CFAP299: variants seen among roughly 807,000 people sequenced by gnomAD.
CFAP299 encodes the protein cilia- and flagella-associated protein 299.
CFAP299 carries 21 observed loss-of-function variants against 27.0 expected under a neutral mutation model. The ratio of observed to expected loss-of-function variants is 0.78; its 90% CI spans 0.55 to 1.12. The LOEUF is 1.12. CFAP299 is among the 50% of genes most tolerant of loss of function. The pLI is 0.00. For missense variants in CFAP299, 310 were observed against 276.6 expected, an observed-to-expected ratio of 1.12 and a Z score of -0.86; for synonymous variants, 104 against 98.1, an observed-to-expected ratio of 1.06 and a Z score of -0.36.
chr4:80,723,604 TAGAG>T (rs1373569115), intron 3 of CFAP299, among the ~76,000 whole-genome samples: 9 of 152,232 alleles, frequency 5.9e-5, no homozygotes, highest in Admixed American at 2.6e-4. Flanking sequence ...ATACATTACA[TAGAG>T]AGAAATGGGA....
chr4:80,667,226 T>C (rs1003591717), intron 3 of CFAP299, among the ~76,000 whole-genome samples: 1 of 152,198 alleles, frequency 6.6e-6, no homozygotes, highest in Non-Finnish European at 1.5e-5. Flanking sequence ...TACAAAGATG[T>C]ACATATTCTC....
chr4:80,740,634 C>A (rs542356806), intron 3 of CFAP299, among the ~76,000 whole-genome samples: 1 of 152,112 alleles, frequency 6.6e-6, no homozygotes, highest in Non-Finnish European at 1.5e-5. Context: ...TCCCACAGGC[C>A]CTGGACATGT....
At chr4:80,714,110 T>G (rs2110039345) in intron 3 of CFAP299, among the ~76,000 whole-genome samples, 1 of 152,246 alleles carries the variant, frequency 6.6e-6, no homozygotes, top group East Asian at 1.9e-4. Flanking sequence ...TTTAATGCTG[T>G]CTCGCTCCTT....
chr4:80,409,359 C>A (rs951551519), intron 2 of CFAP299, among the ~76,000 whole-genome samples: 2 of 151,974 alleles, frequency 1.3e-5, no homozygotes, highest in African/African-American at 4.8e-5. Flanking sequence ...TTATAAAGTA[C>A]AAATTAAAAT....
intron 2 of CFAP299, among the ~76,000 whole-genome samples, chr4:80,402,286 T>G (rs1045138884): frequency 1.3e-5 from 2 of 152,138 alleles, no homozygotes; most frequent in Non-Finnish European, 2.9e-5. Context: ...AATTATATGA[T>G]TTGGCTGTGT....
Position 80,391,061 on chromosome 4 carries a change from A to G in CFAP299, c.242+28177A>G, listed in dbSNP as rs548483097. Among the ~76,000 whole-genome samples, 19 of 151,838 alleles carry G rather than the reference A, an allele frequency of 1.3e-4. 1 individual carries two copies. The South Asian group carries it at 3.9e-3, about 32-fold the overall frequency. On this transcript the variant is annotated intron_variant, in intron 2 of 5. Coordinates refer to ENST00000358105, the MANE Select transcript of CFAP299 (RefSeq NM_152770.3). ...CACACACACATATATACACACATAT[A>G]TATACATATACACATATATACACTC...
At chr4:80,542,771 T>C (rs1274202775) in intron 2 of CFAP299, among the ~76,000 whole-genome samples, 2 of 151,904 alleles carry the variant, frequency 1.3e-5, no homozygotes, top group Non-Finnish European at 2.9e-5. Flanking sequence ...GCCACTACCA[T>C]ACCACTGGAG....
the CFAP299 span, among the ~76,000 whole-genome samples, chr4:80,324,948 C>G: frequency 1.3e-5 from 2 of 152,144 alleles, no homozygotes; most frequent in Admixed American, 1.3e-4. Context: ...CATGGCAAAA[C>G]CCTGTCTCTA....
intron 4 of CFAP299, among the ~76,000 whole-genome samples, chr4:80,888,512 C>T (rs542602220): frequency 6.6e-5 from 10 of 151,994 alleles, no homozygotes; most frequent in Non-Finnish European, 1.5e-4. Context: ...GATCCCAATA[C>T]AATAATATCT....
chr4:80,570,550 G>T (rs749724598), intron 2 of CFAP299, among the ~76,000 whole-genome samples: 1 of 152,062 alleles, frequency 6.6e-6, no homozygotes, highest in South Asian at 2.1e-4. Flanking sequence ...CTCTGAGGTT[G>T]CTTAACCTCA....
chr4:80,829,424 A>G (rs892769720), intron 3 of CFAP299, among the ~76,000 whole-genome samples: 4 of 152,040 alleles, frequency 2.6e-5, no homozygotes, highest in African/African-American at 9.7e-5. Flanking sequence ...AAAACAGAAA[A>G]TAAATATTGG....
intron 3 of CFAP299, among the ~76,000 whole-genome samples, chr4:80,648,532 C>T (rs1015592538): frequency 2.6e-5 from 4 of 152,042 alleles, no homozygotes; most frequent in African/African-American, 9.7e-5. Flanking sequence ...ACTCCTCTTT[C>T]GTGGTTCTGG....
At chr4:80,853,623 G>A (rs1305195632) in intron 3 of CFAP299, among the ~76,000 whole-genome samples, 3 of 152,144 alleles carry the variant, frequency 2.0e-5, no homozygotes, top group Non-Finnish European at 2.9e-5. Context: ...TATGGCTGGA[G>A]TAGAATAAGT....
chr4:80,461,558 G>A (rs932765204), intron 2 of CFAP299, among the ~76,000 whole-genome samples: 9 of 152,070 alleles, frequency 5.9e-5, no homozygotes, highest in Admixed American at 3.3e-4. Flanking sequence ...GGTCATCTGC[G>A]CCTGAATTCC....
intron 3 of CFAP299, among the ~76,000 whole-genome samples, chr4:80,778,805 T>C (rs1726707298): frequency 1.3e-5 from 2 of 152,068 alleles, no homozygotes; most frequent in South Asian, 4.1e-4. Flanking sequence ...AGCACAATAT[T>C]ACAAGCAGTA....
In CFAP299 at chr4:80,772,630, T is replaced by C. The variant is rs548019822; in HGVS notation, c.334-97363T>C. On this transcript the variant is annotated intron_variant, in intron 3 of 5. Transcript: ENST00000358105. ...TTACATAGGTAAACATGTGCCATGGTGGTTTGCTGCCCCTATCAACCCGTC... is the reference window on the plus strand; with the variant it reads ...TTACATAGGTAAACATGTGCCATGGCGGTTTGCTGCCCCTATCAACCCGTC... Among the ~76,000 whole-genome samples, 85 of 152,118 alleles carry C rather than the reference T, an allele frequency of 5.6e-4. 1 individual carries two copies. The highest frequency in any genetic ancestry group is 1.0e-3 in the Non-Finnish European group (68 of 67,992).
At chr4:80,629,486 G>T (rs1739093893) in intron 3 of CFAP299, among the ~76,000 whole-genome samples, 1 of 152,066 alleles carries the variant, frequency 6.6e-6, no homozygotes, top group Non-Finnish European at 1.5e-5. Context: ...AATCAAAAAT[G>T]ATAGCTATAT....
chr4:80,474,420 A>G (rs1183064908), intron 2 of CFAP299, among the ~76,000 whole-genome samples: 1 of 152,236 alleles, frequency 6.6e-6, no homozygotes, highest in Non-Finnish European at 1.5e-5. Context: ...TCTATCAAAA[A>G]CAAACCATCT....
intron 1 of CFAP299, among the ~76,000 whole-genome samples, chr4:80,356,731 T>C (rs557620127): frequency 6.6e-6 from 1 of 152,242 alleles, no homozygotes; most frequent in East Asian, 1.9e-4. Flanking sequence ...TAAGAAGCTT[T>C]TGGGCTCAGT....
Sources: allele counts gnomAD v4.1 joint callset (sites outside exome capture counted in the v4.1 genomes callset), GRCh38; gene constraint gnomAD v4.1.1; transcripts MANE v1.5; gene names NCBI Gene and HGNC (gene_info 2026-07-23, HGNC 2026-07-21).